Variants in SP3 observed in about 807,000 individuals in gnomAD.
The protein encoded by SP3 is transcription factor Sp3.
In SP3, 10 loss-of-function variants were observed where a neutral mutation model predicts 70.3. That is an observed-to-expected ratio of 0.14 (90% CI 0.09 to 0.24). SP3 has a LOEUF of 0.24. Among genes scored for constraint, SP3 ranks in the 10% least tolerant of loss-of-function variants. The probability of loss-of-function intolerance (pLI) is 1.00; values close to 1 mark genes in which losing one functional copy is unlikely to be tolerated. For missense variants in SP3, 825 were observed against 914.6 expected (o/e 0.90, Z 1.26); for synonymous variants, 402 against 333.5 (o/e 1.21, Z -2.24).
At chr2:173,928,504 A>T (rs940818942) in intron 4 of SP3, among the ~76,000 whole-genome samples, 8 of 115,892 alleles carry the variant, frequency 6.9e-5, no homozygotes, top group African/African-American at 1.1e-4. Context: ...TTCCTTCATT[A>T]AAAAAAAAAA....
rs1689286426 is a variant in SP3, at chr2:173,905,468, G to A, written c.*4473C>T. 6.6e-6 allele frequency among the ~76,000 whole-genome samples: 1 copy of A among 152,134 alleles called. No individual in the cohort carries two copies. Among genetic ancestry groups the A allele is most frequent in the South Asian group, 2.1e-4 (1 of 4,830 alleles). On this transcript the variant is annotated 3_prime_UTR_variant, in exon 7 of 7. Transcript: ENST00000310015. Reference sequence around the variant, plus strand: ...TAAGTAGCTTAGCATAGATTCAGAAGCAAGAGTTAAAAGGTGAAAAATGGG... The same window carrying A: ...TAAGTAGCTTAGCATAGATTCAGAAACAAGAGTTAAAAGGTGAAAAATGGG...
In SP3 at chr2:173,913,056, T is replaced by C. The variant is rs373601078; in HGVS notation, c.2029+14A>G. The C allele has an allele frequency of 1.2e-5, 19 of 1,533,958 alleles. No homozygotes were observed. The African/African-American group carries it at 2.1e-4, about 17-fold the overall frequency. ...ATAATTCATTTTTGTCTGTTAAAAG[T>C]AAGTATTAGTAACCTGTATGTGTTC... On this transcript the variant is annotated intron_variant, in intron 6 of 6. Coordinates refer to ENST00000310015, the MANE Select transcript of SP3 (RefSeq NM_003111.5).
Position 173,906,366 on chromosome 2 carries a change from T to A in SP3, c.*3575A>T, listed in dbSNP as rs188525027. ...CACTAAATAAAATTATGAGGTGATT[T>A]CACAAAAATATCAAATTTGTACCAA... On this transcript the variant is annotated 3_prime_UTR_variant, in exon 7 of 7. Coordinates refer to ENST00000310015, the MANE Select transcript of SP3 (RefSeq NM_003111.5). 2.0e-5 allele frequency: 3 copies of A among 152,334 alleles called. No individual in the cohort carries two copies. The East Asian group carries it at 5.8e-4, about 29-fold the overall frequency. 9.4% of individuals were successfully genotyped at this position (152,334 alleles called of 1,614,324 possible).
chr2:173,956,096 T>C lies in SP3; in HGVS notation c.416A>G (p.Tyr139Cys). 6.2e-7 allele frequency: 1 copy of C among 1,614,180 alleles called. No individual in the cohort carries two copies. The highest frequency in any genetic ancestry group is 8.5e-7 in the Non-Finnish European group (1 of 1,180,028). ...IPSAATSSGQ[Y>C]VLPLQNLQNQ... ...CTGCAAATTCTGAAGGGGAAGAACA[T>C]ACTGCCCACTTGAAGTAGCAGCACT... is the stretch of plus-strand genomic sequence containing the variant. The change falls in exon 4 of 7, where the codon TAT (tyrosine) becomes TGT (cysteine). Residue 139 changes from tyrosine to cysteine, a missense_variant. By Grantham distance (194) the Tyr-to-Cys change is radical. Transcript: ENST00000310015.
At chr2:173,951,242 CT>C (rs1690704863) in intron 4 of SP3, among the ~76,000 whole-genome samples, 1 of 152,256 alleles carries the variant, frequency 6.6e-6, no homozygotes, top group Admixed American at 6.5e-5. Flanking sequence ...TAAAAACTAT[CT>C]TTTATGTCTT....
chr2:173,917,990 G>GT (rs199624356), intron 5 of SP3, among the ~76,000 whole-genome samples: 1,873 of 136,876 alleles, frequency 0.014, 16 homozygotes, highest in East Asian at 0.025. Context: ...TCTGGATCTT[G>GT]TTTTTTTTTT....
chr2:173,963,690 G>T, intron 3 of SP3, 71 bp downstream of exon 3: 2 of 564,668 alleles, frequency 3.5e-6, no homozygotes, highest in Non-Finnish European at 4.5e-6. Context: ...AGGCCTTTTG[G>T]GCAGGCGCGC....
At chr2:173,914,934 C>T (rs1689585117) in intron 5 of SP3, 1 of 152,114 alleles carries the variant, frequency 6.6e-6, no homozygotes, top group South Asian at 2.1e-4. Context: ...TTTTACATAT[C>T]GTGTTCACCA....
rs764644126 is a variant in SP3 at position 173,903,766 on chromosome 2, G to A, written c.*6175C>T. Among the ~76,000 whole-genome samples, 3 of 152,162 alleles carry A rather than the reference G, an allele frequency of 2.0e-5. No individual in the cohort carries two copies. The highest frequency in any genetic ancestry group is 4.4e-5 in the Non-Finnish European group (3 of 68,026). Reference sequence around the variant, plus strand: ...TAAGAGGGCGTCCTGAAACTGTAGAGGGACTTCTAAGGCTTTTAATCAGTT... The same window carrying A: ...TAAGAGGGCGTCCTGAAACTGTAGAAGGACTTCTAAGGCTTTTAATCAGTT... On this transcript the variant is annotated 3_prime_UTR_variant, in exon 7 of 7. Coordinates refer to ENST00000310015, the MANE Select transcript of SP3 (RefSeq NM_003111.5).
intron 4 of SP3, among the ~76,000 whole-genome samples, chr2:173,920,054 G>A (rs1019350415): frequency 2.0e-5 from 3 of 151,992 alleles, no homozygotes; most frequent in Non-Finnish European, 2.9e-5. Context: ...CAACAGAAAT[G>A]AATCTCTCAA....
intron 4 of SP3, among the ~76,000 whole-genome samples, chr2:173,937,957 C>T (rs1279199703): frequency 6.6e-6 from 1 of 152,166 alleles, no homozygotes; most frequent in Non-Finnish European, 1.5e-5. Context: ...ACTAAATCTA[C>T]AGTGTTAAAA....
chr2:173,964,897 C>T (rs999556129), intron 1 of SP3: 3 of 508,812 alleles, frequency 5.9e-6, no homozygotes, highest in Non-Finnish European at 1.0e-5. Flanking sequence ...CACGCCCGCC[C>T]GCGCCCGCAC....
chr2:173,956,464 T>C (rs1457074847), intron 3 of SP3, among the ~76,000 whole-genome samples: 2 of 152,212 alleles, frequency 1.3e-5, no homozygotes, highest in Non-Finnish European at 2.9e-5. Context: ...ATTCTCGGAA[T>C]GTTCATCACA....
At chr2:173,916,580 T>C (rs1229215548) in intron 5 of SP3, 1 of 152,014 alleles carries the variant, frequency 6.6e-6, no homozygotes, top group African/African-American at 2.4e-5. Flanking sequence ...CCTCACCAAG[T>C]AATTTAAAAA....
chr2:173,920,871 A>G (rs923601259), intron 4 of SP3, among the ~76,000 whole-genome samples: 23 of 152,148 alleles, frequency 1.5e-4, no homozygotes, highest in African/African-American at 5.3e-4. Flanking sequence ...GATTACAGGC[A>G]TGAGCCACTG....
chr2:173,955,062 C>T lies in SP3; in HGVS notation c.1450G>A (p.Ala484Thr), dbSNP rs1420431666. Residue 484 changes from alanine (A) to threonine (T), a missense_variant, in exon 4 of 7, where the codon GCC becomes ACC. Around this residue, in one of 4 missense-constraint regions of SP3, gnomAD observed 678 missense variants for 651.6 expected, o/e 1.04. Transcript: ENST00000310015. ...LQNLQIQNTA[A>T]QQITLTPVQT... Reference sequence around the variant, plus strand: ...ACAGGCGTCAAAGTTATTTGTTGGGCAGCAGTATTCTGTATTTGCAAATTC... The same window carrying T: ...ACAGGCGTCAAAGTTATTTGTTGGGTAGCAGTATTCTGTATTTGCAAATTC... 5.0e-6 allele frequency: 8 copies of T among 1,614,170 alleles called. No homozygotes were observed. The Admixed American group carries it at 1.3e-4, about 27-fold the overall frequency.
At chr2:173,964,872 C>G (rs1691241723) in intron 1 of SP3, 1 of 495,572 alleles carries the variant, frequency 2.0e-6, no homozygotes, top group Non-Finnish European at 3.5e-6. Flanking sequence ...CCTCTCGCAC[C>G]GTCAGTCACT....
chr2:173,923,315 T>C (rs1689808562), intron 4 of SP3, among the ~76,000 whole-genome samples: 1 of 151,992 alleles, frequency 6.6e-6, no homozygotes, highest in African/African-American at 2.4e-5. Context: ...TCTGCATACC[T>C]GGGCAAGAAT....
intron 5 of SP3, chr2:173,914,059 G>A (rs140331152): frequency 6.6e-6 from 1 of 151,908 alleles, no homozygotes; most frequent in African/African-American, 2.4e-5. Context: ...AGATTAGATG[G>A]GTGAACAGAG....
Sources: allele counts gnomAD v4.1 joint callset (sites outside exome capture counted in the v4.1 genomes callset), GRCh38; gene constraint gnomAD v4.1.1; regional missense constraint gnomAD v4.1.1; transcripts MANE v1.5; gene names NCBI Gene and HGNC (gene_info 2026-07-23, HGNC 2026-07-21).